Variants in ATP11C observed in about 807,000 individuals in gnomAD.
ATP11C encodes phospholipid-transporting ATPase IG.
ATP11C carries 36 observed loss-of-function variants against 97.4 expected under a neutral mutation model. The ratio of observed to expected loss-of-function variants is 0.37; its 90% confidence interval spans 0.28 to 0.49. ATP11C has a LOEUF of 0.49. ATP11C is among the 20% of genes least tolerant of loss of function. The pLI, the probability that ATP11C is intolerant of heterozygous loss-of-function variation, is 0.98. For missense variants in ATP11C, 730 were observed against 824.6 expected (o/e 0.89, Z 1.40); for synonymous variants, 275 against 290.9 (o/e 0.95, Z 0.56).
At chrX:139,786,289 A>G in intron 15 of ATP11C, among the ~76,000 whole-genome samples, 1 of 111,990 alleles carries the variant, frequency 8.9e-6, no homozygotes, top group Non-Finnish European at 1.9e-5. Flanking sequence ...TATTTACTAC[A>G]TAGCTTGTTT....
At chrX:139,936,587 T>C (rs150478090), upstream of ATP11C, among the ~76,000 whole-genome samples, 136 of 111,900 alleles carry the variant, frequency 1.2e-3, no homozygotes, top group African/African-American at 4.1e-3. Context: ...CTTGACTAGA[T>C]AATGCTTGCT....
intron 1 of ATP11C, among the ~76,000 whole-genome samples, chrX:139,865,133 C>T (rs1002848816): frequency 8.9e-6 from 1 of 111,795 alleles, no homozygotes; most frequent in African/African-American, 3.3e-5. Flanking sequence ...TCCCAGCACT[C>T]TGGAAGGCTG....
chrX:139,787,128 C>T (rs751178709), intron 15 of ATP11C, 45 bp downstream of exon 15: 3 of 1,202,292 alleles, frequency 2.5e-6, no homozygotes, highest in African/African-American at 1.8e-5. Flanking sequence ...TTAAATTTGA[C>T]TATGGGGTTA....
rs369675028 is a variant in ATP11C at position 139,800,128 on chromosome X, T to C, written c.660-18A>G. 1.3e-4 allele frequency: 150 copies of C among 1,143,912 alleles called. No homozygotes were observed. Among genetic ancestry groups the C allele is most frequent in the Non-Finnish European group, 1.6e-4 (137 of 845,619 alleles). 94.3% of individuals were successfully genotyped at this position (1,143,912 alleles called of 1,213,427 possible). On this transcript the variant is annotated intron_variant, in intron 7 of 29. Transcript: ENST00000682941. Reference sequence around the variant, plus strand: ...CAACAAATCTGTAAAAAGAACAAAATTGCAAATGTGTTTTCTACATCCAGG... The same window carrying C: ...CAACAAATCTGTAAAAAGAACAAAACTGCAAATGTGTTTTCTACATCCAGG...
chrX:139,834,689 T>C (rs946462814), intron 1 of ATP11C, among the ~76,000 whole-genome samples: 1 of 112,245 alleles, frequency 8.9e-6, no homozygotes, highest in Non-Finnish European at 1.9e-5. Flanking sequence ...TTAATGTGCC[T>C]TTGAGTACTG....
At position 139,750,112 on chromosome X, in the gene ATP11C, C is replaced by T; in HGVS notation, c.2741G>A (p.Cys914Tyr). ...DAAYLTMYNI[C>Y]FTSLPILAYS... ...GGCCAGGATGGGCAAGGATGTGAAG[C>T]AGATATTGTACATTGTAAGGTAAGC... The change falls in exon 24 of 30, where the codon TGC (cysteine) becomes TAC (tyrosine). Residue 914 changes from cysteine to tyrosine, a missense_variant. Physicochemically the swap from Cys to Tyr is radical, Grantham distance 194. Coordinates refer to ENST00000682941, the MANE Select transcript of ATP11C (RefSeq NM_001353812.2). 1 of 1,204,157 alleles carries T rather than the reference C, an allele frequency of 8.3e-7. No homozygotes were observed.
chrX:139,760,912 A>C (rs911458384), intron 22 of ATP11C, among the ~76,000 whole-genome samples: 3 of 112,186 alleles, frequency 2.7e-5, no homozygotes, highest in Non-Finnish European at 5.6e-5. Context: ...ATGATAGAAA[A>C]GTTTTAGAAT....
chrX:139,739,239 C>T (rs2081506009), intron 27 of ATP11C, among the ~76,000 whole-genome samples: 1 of 110,545 alleles, frequency 9.0e-6, no homozygotes, highest in East Asian at 2.9e-4. Context: ...CAGCTAGTCA[C>T]AGAGTGTTCC....
intron 1 of ATP11C, among the ~76,000 whole-genome samples, chrX:139,905,923 A>T (rs183458303): frequency 9.0e-6 from 1 of 111,545 alleles, no homozygotes; most frequent in Non-Finnish European, 1.9e-5. Context: ...GGCTAATTGA[A>T]GTTAACTAGA....
At chrX:139,821,095 G>A (rs930599320) in intron 2 of ATP11C, among the ~76,000 whole-genome samples, 14 of 111,442 alleles carry the variant, frequency 1.3e-4, no homozygotes, top group African/African-American at 4.2e-4. Context: ...GTTTAAAAAG[G>A]CTTATGGGCT....
At chrX:139,862,019 A>G (rs746968958) in intron 1 of ATP11C, among the ~76,000 whole-genome samples, 10 of 112,051 alleles carry the variant, frequency 8.9e-5, no homozygotes, top group South Asian at 3.7e-4. Flanking sequence ...AGAGTAGCCA[A>G]GAAAAGTCTG....
At chrX:139,891,061 G>A (rs905449860) in intron 1 of ATP11C, among the ~76,000 whole-genome samples, 2 of 110,517 alleles carry the variant, frequency 1.8e-5, no homozygotes, top group African/African-American at 6.6e-5. Context: ...AAAGGTCGAA[G>A]GCTTCATGAG....
chrX:139,842,130 C>A (rs2083842550), intron 1 of ATP11C, among the ~76,000 whole-genome samples: 1 of 112,685 alleles, frequency 8.9e-6, no homozygotes, highest in Non-Finnish European at 1.9e-5. Flanking sequence ...CTTCCAGGCT[C>A]ACGCCATTCT....
intron 1 of ATP11C, among the ~76,000 whole-genome samples, chrX:139,894,101 G>C (rs192397377): frequency 1.8e-5 from 2 of 111,398 alleles, no homozygotes; most frequent in East Asian, 5.6e-4. Flanking sequence ...TTTGCTGCTG[G>C]GAAGAATTAA....
intron 28 of ATP11C, among the ~76,000 whole-genome samples, chrX:139,733,581 T>A: frequency 8.9e-6 from 1 of 112,458 alleles, no homozygotes; most frequent in South Asian, 3.6e-4. Context: ...AGAAAGTTGA[T>A]AGACATATTG....
intron 11 of ATP11C, among the ~76,000 whole-genome samples, chrX:139,796,877 T>C (rs184880310): frequency 3.6e-5 from 4 of 111,760 alleles, no homozygotes; most frequent in East Asian, 2.8e-4. Flanking sequence ...TAAATTCTTA[T>C]ATAAAGAGCT....
chrX:139,886,584 C>CAAA (rs144833892), intron 1 of ATP11C, among the ~76,000 whole-genome samples: 3 of 34,841 alleles, frequency 8.6e-5, no homozygotes, highest in Non-Finnish European at 1.4e-4. Flanking sequence ...GACTCCATCT[C>CAAA]AAAAAAAAAA....
intron 1 of ATP11C, among the ~76,000 whole-genome samples, chrX:139,925,436 C>T (rs977144504): frequency 7.1e-5 from 1 of 14,176 alleles, no homozygotes; most frequent in African/African-American, 1.3e-4. Flanking sequence ...CAGGCCTGTG[C>T]TACCACTCCT....
chrX:139,899,374 G>A (rs984067790), intron 1 of ATP11C, among the ~76,000 whole-genome samples: 1 of 109,477 alleles, frequency 9.1e-6, no homozygotes, highest in Non-Finnish European at 1.9e-5. Context: ...CTACTCGGGA[G>A]GCTGAGGCAG....
Sources: allele counts gnomAD v4.1 joint callset (sites outside exome capture counted in the v4.1 genomes callset), GRCh38; gene constraint gnomAD v4.1.1; transcripts MANE v1.5; gene names NCBI Gene and HGNC (gene_info 2026-07-23, HGNC 2026-07-21).